Variants in DMXL1 observed in about 807,000 individuals in gnomAD.
DMXL1 encodes the protein dmX-like protein 1.
Under a neutral mutation model 319.2 loss-of-function variants are expected in DMXL1, and 99 were observed. That is an observed-to-expected ratio of 0.31 (90% CI 0.26 to 0.37). The LOEUF is 0.37. Among genes scored for constraint, DMXL1 ranks in the 10% least tolerant of loss-of-function variants. The pLI, the probability that DMXL1 is intolerant of heterozygous loss-of-function variation, is 1.00. For synonymous variants in DMXL1, 1,385 were observed against 1,235.2 expected (o/e 1.12, Z -2.54); for missense variants, 3,745 against 3,595.6 (o/e 1.04, Z -1.06).
Position 119,203,325 on chromosome 5 carries a change from A to G in DMXL1, c.7752A>G (p.Lys2584=). 1.3e-6 allele frequency: 2 copies of G among 1,572,952 alleles called. No individual in the cohort carries two copies. Among genetic ancestry groups the G allele is most frequent in the African/African-American group, 1.4e-5 (1 of 72,974 alleles). The change falls in exon 33 of 44, where the codon AAA becomes AAG. Residue 2584 remains lysine, a synonymous_variant. Coordinates refer to ENST00000539542, the MANE Select transcript of DMXL1 (RefSeq NM_001290321.3). ...TTGCTGTCTCTCTCTGTAGATCCAAACACCATCTGGCACTGTCTGTGAAGA... is the reference window on the plus strand; with the variant it reads ...TTGCTGTCTCTCTCTGTAGATCCAAGCACCATCTGGCACTGTCTGTGAAGA... ...LEPTNTPFKS[K]HHLALSVKRL... is the part of the protein sequence containing the mutation.
chr5:119,120,920 C>T (rs749890942), intron 8 of DMXL1, 51 bp from the exon 9 acceptor site: 37 of 1,417,750 alleles, frequency 2.6e-5, no homozygotes, highest in Admixed American at 1.1e-4. Flanking sequence ...ATAACCTATA[C>T]GTGTATGACT....
chr5:119,212,632 T>C (rs933342202), intron 34 of DMXL1, among the ~76,000 whole-genome samples: 4 of 152,190 alleles, frequency 2.6e-5, no homozygotes, highest in African/African-American at 9.7e-5. Context: ...TCTTTAAATC[T>C]CTTTTAGCGT....
At chr5:119,089,294 T>TATATATA (rs150933906) in intron 1 of DMXL1, among the ~76,000 whole-genome samples, 10 of 16,990 alleles carry the variant, frequency 5.9e-4, no homozygotes, top group East Asian at 6.0e-3. Flanking sequence ...ATATATATAT[T>TATATATA]TTTTTTTTTT....
chr5:119,123,646 T>C (rs1012944285), intron 9 of DMXL1, among the ~76,000 whole-genome samples: 7 of 151,806 alleles, frequency 4.6e-5, no homozygotes, highest in African/African-American at 1.7e-4. Flanking sequence ...ACTACAGATA[T>C]AGTATTGTAT....
At chr5:119,169,276 G>C (rs1436303666) in intron 23 of DMXL1, among the ~76,000 whole-genome samples, 1 of 152,162 alleles carries the variant, frequency 6.6e-6, no homozygotes, top group Non-Finnish European at 1.5e-5. Flanking sequence ...AATTAAACTT[G>C]TATTCTTCTA....
At position 119,123,349 on chromosome 5, in the gene DMXL1, G is replaced by GGAGGGAGAGGGAGAGGAGGGA. The variant is rs1762676875; in HGVS notation, c.1102+2236_1102+2256dup. On this transcript the variant is annotated intron_variant, in intron 9 of 43. Coordinates refer to ENST00000539542, the MANE Select transcript of DMXL1 (RefSeq NM_001290321.3). ...GAGAGGGAGAGGAGGGAGAGGGAGA[G>GGAGGGAGAGGGAGAGGAGGGA]GAGGGAGAGGGAGAGGAGGGAGAGG... Among the ~76,000 whole-genome samples, 12 of 123,074 alleles carry GGAGGGAGAGGGAGAGGAGGGA rather than the reference G, an allele frequency of 9.8e-5. 1 individual carries two copies. Among genetic ancestry groups the GGAGGGAGAGGGAGAGGAGGGA allele is most frequent in the Non-Finnish European group, 3.6e-5 (2 of 55,150 alleles). The allele number at this position is 123,074 out of a possible 152,430, so 80.7% of individuals were successfully genotyped here.
At chr5:119,155,974 C>A (rs1242759874) in intron 19 of DMXL1, among the ~76,000 whole-genome samples, 2 of 152,112 alleles carry the variant, frequency 1.3e-5, no homozygotes, top group East Asian at 3.9e-4. Context: ...TTAGAATAGT[C>A]TGTAAACTTA....
chr5:119,103,618 T>C (rs1399446270), intron 3 of DMXL1, among the ~76,000 whole-genome samples: 3 of 152,190 alleles, frequency 2.0e-5, no homozygotes, highest in African/African-American at 7.2e-5. Flanking sequence ...ATAGAAATAG[T>C]GTTCACACTT....
At position 119,133,166 on chromosome 5, in the gene DMXL1, T is replaced by A; in HGVS notation, c.1350T>A (p.Asn450Lys). The change falls in exon 11 of 44, where the codon AAT becomes AAA. Residue 450 changes from asparagine (N) to lysine (K), a missense_variant. Asn to Lys is a moderately conservative substitution (Grantham distance 94). Coordinates refer to ENST00000539542, the MANE Select transcript of DMXL1 (RefSeq NM_001290321.3). ...TDDGVDDLKI[N>K]PEKKELGCDK... The stretch of plus-strand genomic sequence containing the variant: ...ATGGTGTTGATGATCTGAAAATAAA[T>A]CCCGAAAAGAAGGAATTAGGCTGTG... The A allele has an allele frequency of 1.2e-6, 2 of 1,614,112 alleles. No individual in the cohort carries two copies. Among genetic ancestry groups the A allele is most frequent in the Non-Finnish European group, 1.7e-6 (2 of 1,180,012 alleles).
Position 119,170,510 on chromosome 5 carries a change from T to C in DMXL1, c.5719T>C (p.Ser1907Pro), listed in dbSNP as rs760115025. The change falls in exon 24 of 44, where the codon TCT becomes CCT. Residue 1907 changes from serine (S) to proline (P), a missense_variant. By Grantham distance (74) the Ser-to-Pro change is moderately conservative. Transcript: ENST00000539542. ...FLDTSKDCSPSSPLKLDARED... is the reference protein window; with the variant it reads ...FLDTSKDCSPPSPLKLDARED... ...GGATACTAGTAAAGACTGTTCTCCT[T>C]CTTCTCCATTAAAGTTGGATGCAAG... 1.9e-6 allele frequency: 3 copies of C among 1,613,540 alleles called. No homozygotes were observed. Among genetic ancestry groups the C allele is most frequent in the Admixed American group, 1.7e-5 (1 of 59,982 alleles).
chr5:119,084,822 C>G (rs1368733229), intron 1 of DMXL1, among the ~76,000 whole-genome samples: 8 of 150,544 alleles, frequency 5.3e-5, no homozygotes, highest in Non-Finnish European at 1.2e-4. Flanking sequence ...CAAGATCACG[C>G]CATTGCACTC....
chr5:119,154,330 C>T (rs1031133306), intron 19 of DMXL1, among the ~76,000 whole-genome samples: 3 of 152,198 alleles, frequency 2.0e-5, no homozygotes, highest in African/African-American at 7.2e-5. Context: ...AACAGTTTAC[C>T]AAATTGTAAA....
intron 38 of DMXL1, among the ~76,000 whole-genome samples, chr5:119,232,070 T>C (rs569051546): frequency 1.0e-3 from 152 of 152,252 alleles, no homozygotes; most frequent in African/African-American, 3.5e-3. Context: ...AGCTTTGAAC[T>C]CCTGGGCTCA....
intron 23 of DMXL1, 100 bp from the exon 24 acceptor site, chr5:119,170,090 C>T (rs1774248416): frequency 4.7e-6 from 6 of 1,285,424 alleles, no homozygotes; most frequent in Admixed American, 2.9e-5. Flanking sequence ...TGTCAAAAGA[C>T]TCTTTAGATA....
chr5:119,170,235 A>G lies in DMXL1; in HGVS notation c.5444A>G (p.Asn1815Ser). The G allele has an allele frequency of 6.2e-7, 1 of 1,606,794 alleles. No individual in the cohort carries two copies. The highest frequency in any genetic ancestry group is 8.5e-7 in the Non-Finnish European group (1 of 1,178,090). ...ASNPTVFNFY[N>S]YLRTHPLLLR... is the part of the protein sequence containing the mutation. ...AATCCTACAGTTTTTAATTTCTACA[A>G]TTATCTAAGAACACATCCTCTTTTG... Residue 1815 changes from asparagine to serine, a missense_variant, in exon 24 of 44, where the codon AAT becomes AGT. This residue lies in a region of DMXL1 where 1,382 missense variants were observed against 1,269.5 expected (regional missense o/e 1.09). Coordinates refer to ENST00000539542, the MANE Select transcript of DMXL1 (RefSeq NM_001290321.3).
chr5:119,163,551 G>A (rs981708032), intron 19 of DMXL1, among the ~76,000 whole-genome samples: 6 of 152,006 alleles, frequency 3.9e-5, no homozygotes, highest in Non-Finnish European at 8.8e-5. Context: ...TGAGTAGCTG[G>A]GATTACAGGC....
intron 5 of DMXL1, among the ~76,000 whole-genome samples, chr5:119,112,553 A>G (rs1759876814): frequency 6.6e-6 from 1 of 152,208 alleles, no homozygotes; most frequent in African/African-American, 2.4e-5. Flanking sequence ...CATATGTAGA[A>G]TTTACAGAGG....
At chr5:119,220,006 A>G (rs888016044) in intron 35 of DMXL1, among the ~76,000 whole-genome samples, 3 of 68,686 alleles carry the variant, frequency 4.4e-5, no homozygotes, top group South Asian at 1.1e-3. Flanking sequence ...ACCCTTTCCC[A>G]CTTCTTTTTT....
intron 34 of DMXL1, among the ~76,000 whole-genome samples, chr5:119,214,980 T>G (rs1178271387): frequency 6.6e-6 from 1 of 152,188 alleles, no homozygotes; most frequent in African/African-American, 2.4e-5. Context: ...AATGAACATT[T>G]AGTATACTTT....
Sources: gnomAD v4.1 joint callset for allele counts (sites outside exome capture counted in the v4.1 genomes callset) on GRCh38, gnomAD v4.1.1 for gene constraint, gnomAD v4.1.1 regional missense constraint, MANE v1.5 for transcripts, NCBI Gene and HGNC (gene_info 2026-07-23, HGNC 2026-07-21) for gene names.